The following NAV2 variants were observed in gnomAD, a reference collection of about 807,000 sequenced individuals.
NAV2 encodes the protein neuron navigator 2, also known as helicase, APC down-regulated 1.
A neutral mutation model predicts 223.2 loss-of-function variants in NAV2; 54 were observed. That is an observed-to-expected ratio of 0.24 (90% CI 0.19 to 0.30). NAV2 has a LOEUF of 0.30. Ranked by LOEUF, NAV2 falls within the 10% of genes least tolerant of loss-of-function variation. The pLI is 1.00. For synonymous variants in NAV2, 1,279 were observed against 1,239.3 expected (o/e 1.03, Z -0.67); for missense variants, 2,806 against 3,147.5 (o/e 0.89, Z 2.60).
At chr11:19,580,843 C>A (rs1407430227) in intron 1 of NAV2, among the ~76,000 whole-genome samples, 1 of 152,210 alleles carries the variant, frequency 6.6e-6, no homozygotes, top group Admixed American at 6.5e-5. Flanking sequence ...GAATGTTCAA[C>A]TTTACCAGCA....
chr11:19,862,324 CAGG>C (rs2061838639), intron 3 of NAV2, among the ~76,000 whole-genome samples: 4 of 152,200 alleles, frequency 2.6e-5, no homozygotes. Context: ...GGTGGAAAAG[CAGG>C]AGGAGAAGCA....
chr11:20,106,622 AGTT>A (rs1429894151), intron 35 of NAV2, among the ~76,000 whole-genome samples: 3 of 144,754 alleles, frequency 2.1e-5, no homozygotes, highest in South Asian at 2.2e-4. Context: ...GTTGCTACTC[AGTT>A]GTTGTTTTTG....
chr11:19,812,149 A>T (rs2058865822), intron 1 of NAV2, among the ~76,000 whole-genome samples: 4 of 151,894 alleles, frequency 2.6e-5, no homozygotes. Context: ...CTAAGCTGCC[A>T]CCCCCCACAA....
intron 1 of NAV2, among the ~76,000 whole-genome samples, chr11:19,765,632 G>A (rs1446988850): frequency 6.6e-6 from 1 of 152,116 alleles, no homozygotes; most frequent in East Asian, 1.9e-4. Flanking sequence ...CTTCTCTCCT[G>A]CTCACATCTT....
intron 6 of NAV2, among the ~76,000 whole-genome samples, chr11:19,902,771 C>A (rs1219559339): frequency 6.6e-6 from 1 of 152,182 alleles, no homozygotes; most frequent in Non-Finnish European, 1.5e-5. Context: ...GGACTTAGTT[C>A]GGTCATCCCT....
intron 1 of NAV2, among the ~76,000 whole-genome samples, chr11:19,617,582 A>G (rs1199619863): frequency 6.6e-6 from 1 of 152,238 alleles, no homozygotes; most frequent in Admixed American, 6.5e-5. Flanking sequence ...CCAGGCAGTA[A>G]GTGCTATGAA....
intron 1 of NAV2, among the ~76,000 whole-genome samples, chr11:19,476,993 A>T (rs1344911757): frequency 6.6e-6 from 1 of 152,112 alleles, no homozygotes; most frequent in African/African-American, 2.4e-5. Context: ...GGAGGCTTAA[A>T]GGAGAGGGGT....
At chr11:19,823,177 T>A (rs1262820911) in intron 1 of NAV2, among the ~76,000 whole-genome samples, 1 of 152,156 alleles carries the variant, frequency 6.6e-6, no homozygotes, top group Non-Finnish European at 1.5e-5. Context: ...CTTGAGTAGC[T>A]GGAACCACAG....
At chr11:19,623,213 C>G (rs1425464844) in intron 1 of NAV2, among the ~76,000 whole-genome samples, 1 of 152,174 alleles carries the variant, frequency 6.6e-6, no homozygotes, top group East Asian at 1.9e-4. Flanking sequence ...TCCTTCATTT[C>G]AACTTTGGTG....
At chr11:20,081,825 G>A (rs1359744085) in intron 25 of NAV2, among the ~76,000 whole-genome samples, 1 of 152,174 alleles carries the variant, frequency 6.6e-6, no homozygotes, top group African/African-American at 2.4e-5. Flanking sequence ...TTAGAAAAAG[G>A]AAATTACTTT....
At chr11:19,461,121 C>T (rs1259006599) in intron 1 of NAV2, among the ~76,000 whole-genome samples, 1 of 152,140 alleles carries the variant, frequency 6.6e-6, no homozygotes, top group Non-Finnish European at 1.5e-5. Flanking sequence ...CATCTGGTCC[C>T]CTTAGTGGAG....
In NAV2 at chr11:20,023,694, T is replaced by TACTGGGTG. The variant is rs1345271732; in HGVS notation, c.2769-12265_2769-12264insACTGGGTG. Among the ~76,000 whole-genome samples the TACTGGGTG allele has an allele frequency of 4.1e-3, 375 of 92,498 alleles. 1 individual carries two copies. Among genetic ancestry groups the TACTGGGTG allele is most frequent in the Admixed American group, 6.9e-3 (59 of 8,542 alleles). The allele number at this position is 92,498 out of a possible 152,430, so 60.7% of individuals were successfully genotyped here. ...TTGTGGTTGTGTTTATACAGCAAATTGCTGGGTGTGTGTGTGTGTGTGTGT... is the reference window on the plus strand; with the variant it reads ...TTGTGGTTGTGTTTATACAGCAAATTACTGGGTGGCTGGGTGTGTGTGTGTGTGTGTGT... On this transcript the variant is annotated intron_variant, in intron 11 of 37. Coordinates refer to ENST00000349880, the MANE Select transcript of NAV2 (RefSeq NM_145117.5).
At chr11:19,552,887 G>A (rs1302399727) in intron 1 of NAV2, among the ~76,000 whole-genome samples, 6 of 150,370 alleles carry the variant, frequency 4.0e-5, no homozygotes, top group Non-Finnish European at 8.9e-5. Context: ...GTGTGTGTGA[G>A]TGTGTGTGGG....
At chr11:19,981,491 A>G (rs1407915712) in intron 10 of NAV2, among the ~76,000 whole-genome samples, 1 of 152,216 alleles carries the variant, frequency 6.6e-6, no homozygotes, top group Non-Finnish European at 1.5e-5. Flanking sequence ...TTCACCAGCA[A>G]TAAAAATCCA....
chr11:19,391,299 T>G (rs570071575), intron 1 of NAV2, among the ~76,000 whole-genome samples: 1 of 152,174 alleles, frequency 6.6e-6, no homozygotes, highest in African/African-American at 2.4e-5. Flanking sequence ...TCTGTGTTAG[T>G]GTCTCACCTC....
At chr11:19,739,933 T>G (rs1358135965) in intron 1 of NAV2, among the ~76,000 whole-genome samples, 6 of 152,146 alleles carry the variant, frequency 3.9e-5, no homozygotes, top group East Asian at 1.9e-4. Context: ...AATTTCACAG[T>G]AGATCTGAAG....
In NAV2 at chr11:19,951,884, A is replaced by G. The variant is rs768012776; in HGVS notation, c.2645+2804A>G. ...GTTCAGAAACGTAAGCAAAGCACCC[A>G]ATTACTGAAACTGGAGAACTTTGGT... On this transcript the variant is annotated intron_variant, in intron 10 of 37. Transcript: ENST00000349880. Among the ~76,000 whole-genome samples, 19 of 152,316 alleles carry G rather than the reference A, an allele frequency of 1.2e-4. No individual in the cohort carries two copies. The Middle Eastern group carries it at 0.01, about 82-fold the overall frequency.
chr11:19,389,099 A>G (rs1210821050), intron 1 of NAV2, among the ~76,000 whole-genome samples: 2 of 152,122 alleles, frequency 1.3e-5, no homozygotes, highest in East Asian at 3.9e-4. Flanking sequence ...TCCCCATATC[A>G]ATACTCATTT....
chr11:19,842,942 G>C lies in NAV2; in HGVS notation c.438+19G>C. On this transcript the variant is annotated intron_variant, in intron 3 of 37. Transcript: ENST00000349880. The stretch of plus-strand genomic sequence containing the variant: ...CCAAATGGTAAGTGGTGCATAGGTA[G>C]TAAATGTTTGAGTTCTGTCAGCAAG... 6.2e-7 allele frequency: 1 copy of C among 1,610,576 alleles called. No individual in the cohort carries two copies.
Sources: gnomAD v4.1 joint callset for allele counts (sites outside exome capture counted in the v4.1 genomes callset) on GRCh38, gnomAD v4.1.1 for gene constraint, MANE v1.5 for transcripts, NCBI Gene and HGNC (gene_info 2026-07-23, HGNC 2026-07-21) for gene names.